The following LRTM2 variants were observed in gnomAD, a reference collection of about 807,000 sequenced individuals.
The protein encoded by LRTM2 is leucine-rich repeat and transmembrane domain-containing protein 2.
In LRTM2, 18 loss-of-function variants were observed where a neutral mutation model predicts 28.1. The observed-to-expected ratio is 0.64, with a 90% CI of 0.44 to 0.95. The LOEUF is 0.95. LRTM2 is among the 40% of genes least tolerant of loss of function. The pLI, the probability that LRTM2 is intolerant of heterozygous loss-of-function variation, is 0.00. For synonymous variants in LRTM2, 250 were observed against 218.7 expected (o/e 1.14, Z -1.26); for missense variants, 436 against 497.2 (o/e 0.88, Z 1.17).
rs376073275 is a variant in LRTM2, at chr12:1,826,051, GC to G, written c.-258-1356del. On this transcript the variant is annotated intron_variant, in intron 1 of 4. Transcript: ENST00000299194. ...GGGCAGAAATACATAGACTCCACAGGCCCGGGGTGCTCAGGAATGAGAAACA... is the reference window on the plus strand; with the variant it reads ...GGGCAGAAATACATAGACTCCACAGGCCGGGGTGCTCAGGAATGAGAAACA... Among the ~76,000 whole-genome samples the G allele has an allele frequency of 4.7e-4, 71 of 152,300 alleles. No individual in the cohort carries two copies. In the East Asian group the frequency reaches 9.5e-3, roughly 20 times the overall value.
Position 1,828,256 on chromosome 12 carries a change from TG to T in LRTM2, c.67+46del, listed in dbSNP as rs1864446390. On this transcript the variant is annotated intron_variant, in intron 3 of 4. Coordinates refer to ENST00000299194, the MANE Select transcript of LRTM2 (RefSeq NM_001039029.3). This position sits in a 1 kb window ranked among gnomAD's most constrained non-coding sequence, Gnocchi z 4.2. ...GCCTCGGAGGGGGGTGCGGGTTGGG[TG>T]GGGGTGCCGAGGTGACTGTAGGTAG... is the stretch of plus-strand genomic sequence containing the variant. The T allele has an allele frequency of 2.1e-6, 3 of 1,460,952 alleles. No homozygotes were observed. Among genetic ancestry groups the T allele is most frequent in the South Asian group, 1.3e-5 (1 of 78,514 alleles). The allele number at this position is 1,460,952 out of a possible 1,614,324, so 90.5% of individuals were successfully genotyped here.
chr12:1,823,223 G>A (rs993688434), intron 1 of LRTM2: 1 of 152,610 alleles, frequency 6.6e-6, no homozygotes, highest in Non-Finnish European at 1.5e-5. Context: ...GCTTGATGTG[G>A]AGGGATAGAC....
Position 1,829,557 on chromosome 12 carries a change from G to A in LRTM2, c.67+1342G>A, listed in dbSNP as rs1864523644. 2.0e-5 allele frequency among the ~76,000 whole-genome samples: 3 copies of A among 152,226 alleles called. No homozygotes were observed. Among genetic ancestry groups the A allele is most frequent in the Admixed American group, 2.0e-4 (3 of 15,294 alleles). On this transcript the variant is annotated intron_variant, in intron 3 of 4. Coordinates refer to ENST00000299194, the MANE Select transcript of LRTM2 (RefSeq NM_001039029.3). The surrounding 1 kb of genome is among the most constrained non-coding windows in gnomAD (Gnocchi z 4.2). ...AGATCTAGCCACGTGTCAGCTCTCA[G>A]CTGTCATCGATCCTCCAGGCAGGGA...
Position 1,834,187 on chromosome 12 carries a change from T to C in LRTM2, c.659-80T>C. On this transcript the variant is annotated intron_variant, in intron 4 of 4. Coordinates refer to ENST00000299194, the MANE Select transcript of LRTM2 (RefSeq NM_001039029.3). This position sits in a 1 kb window ranked among gnomAD's most constrained non-coding sequence, Gnocchi z 7.6. ...TAAAAACTACCTTCTGGGGCTTCCG[T>C]TTTGGGGAGCTGGGGATGGGGAGAG... 2.0e-6 allele frequency: 3 copies of C among 1,470,384 alleles called. No homozygotes were observed. In the South Asian group the frequency reaches 4.2e-5, roughly 20 times the overall value. 91.1% of individuals were successfully genotyped at this position (1,470,384 alleles called of 1,614,324 possible).
chr12:1,823,127 A>C (rs957520731), intron 1 of LRTM2: 3 of 152,368 alleles, frequency 2.0e-5, no homozygotes, highest in African/African-American at 7.2e-5. Context: ...GGGAGTGGGC[A>C]CACCCTAGGG....
In LRTM2 at chr12:1,834,322, C is replaced by A. The variant is rs1484331346; in HGVS notation, c.714C>A (p.Asp238Glu). 1.2e-6 allele frequency: 2 copies of A among 1,610,540 alleles called. No individual in the cohort carries two copies. The highest frequency in any genetic ancestry group is 8.5e-7 in the Non-Finnish European group (1 of 1,178,394). Residue 238 changes from aspartate (D) to glutamate (E), a missense_variant, in exon 5 of 5, where the codon GAC (aspartate) becomes GAA (glutamate). Coordinates refer to ENST00000299194, the MANE Select transcript of LRTM2 (RefSeq NM_001039029.3). The surrounding 1 kb of genome is among the most constrained non-coding windows in gnomAD (Gnocchi z 7.6). ...TGCCCAAGGAGCTGAGGGGGAAGGA[C>A]ATGCGGATGGTCCCCATGGAGATGT... is the stretch of plus-strand genomic sequence containing the variant. ...CTLPKELRGK[D>E]MRMVPMEMFN...
chr12:1,827,100 G>T (rs1489309039), intron 1 of LRTM2, among the ~76,000 whole-genome samples: 1 of 152,304 alleles, frequency 6.6e-6, no homozygotes, highest in African/African-American at 2.4e-5. Flanking sequence ...GAGGGCGAAG[G>T]AGAGGGGTGC....
chr12:1,835,124 GA>G lies in LRTM2; in HGVS notation c.*404del, dbSNP rs535247570. On this transcript the variant is annotated 3_prime_UTR_variant, in exon 5 of 5. Transcript: ENST00000299194. ...ACCTCACCTGCATTGAGGGGACGGG[GA>G]GGGAGGGATCTGAGGGATGAAGGTA... 1,021 of 184,928 alleles carry G rather than the reference GA, an allele frequency of 5.5e-3. 5 individuals are homozygous for G. The highest frequency in any genetic ancestry group is 7.0e-3 in the Non-Finnish European group (618 of 88,874). 11.5% of individuals were successfully genotyped at this position (184,928 alleles called of 1,614,324 possible).
chr12:1,828,126 C>T lies in LRTM2; in HGVS notation c.-23C>T, dbSNP rs578070850. On this transcript the variant is annotated 5_prime_UTR_variant, in exon 3 of 5. Transcript: ENST00000299194. This position sits in a 1 kb window ranked among gnomAD's most constrained non-coding sequence, Gnocchi z 4.2. ...CTCCTCTCTCCCCAGAGCGACAGGGCCCGGAGAGCCGTGGGCCTCACCATG... is the reference window on the plus strand; with the variant it reads ...CTCCTCTCTCCCCAGAGCGACAGGGTCCGGAGAGCCGTGGGCCTCACCATG... The T allele has an allele frequency of 1.8e-4, 271 of 1,520,880 alleles. 7 individuals are homozygous for T. The South Asian group carries it at 3.3e-3, about 18-fold the overall frequency. The allele number at this position is 1,520,880 out of a possible 1,614,324, so 94.2% of individuals were successfully genotyped here. A position where few individuals can be genotyped will look rare whatever the true frequency, so the allele number is the denominator to read the frequency against.
At chr12:1,821,836 C>T (rs140677643) in intron 1 of LRTM2, among the ~76,000 whole-genome samples, 4 of 152,152 alleles carry the variant, frequency 2.6e-5, no homozygotes, top group Non-Finnish European at 4.4e-5. Flanking sequence ...GTCTCTCCCC[C>T]ACCCCCAAGC....
chr12:1,834,763 C>A lies in LRTM2; in HGVS notation c.*42C>A. ...GGCCAGGTAGGAAGGGCGGGGAGAGCACACGGCATTGCTCAGCCACAGCTC... is the reference window on the plus strand; with the variant it reads ...GGCCAGGTAGGAAGGGCGGGGAGAGAACACGGCATTGCTCAGCCACAGCTC... On this transcript the variant is annotated 3_prime_UTR_variant, in exon 5 of 5. Transcript: ENST00000299194. The surrounding 1 kb of genome is among the most constrained non-coding windows in gnomAD (Gnocchi z 7.6). The A allele has an allele frequency of 6.5e-7, 1 of 1,540,598 alleles. No homozygotes were observed. Among genetic ancestry groups the A allele is most frequent in the Non-Finnish European group, 8.7e-7 (1 of 1,146,580 alleles).
intron 1 of LRTM2, among the ~76,000 whole-genome samples, chr12:1,822,648 G>A (rs1473366908): frequency 6.6e-6 from 1 of 152,238 alleles, no homozygotes; most frequent in Non-Finnish European, 1.5e-5. Flanking sequence ...TGGGGGTGAG[G>A]ATGGGGCATG....
intron 4 of LRTM2, among the ~76,000 whole-genome samples, chr12:1,832,075 GA>G (rs1163510629): frequency 6.6e-6 from 1 of 152,184 alleles, no homozygotes. Context: ...ACTTTAAGAA[GA>G]AGTCAAATGG....
chr12:1,831,287 G>C lies in LRTM2; in HGVS notation c.420G>C (p.Pro140=). 6.2e-7 allele frequency: 1 copy of C among 1,613,660 alleles called. No homozygotes were observed. Among genetic ancestry groups the C allele is most frequent in the Non-Finnish European group, 8.5e-7 (1 of 1,180,020 alleles). ...TLDRDLLRHS[P]LLRHLDLSIN... is the part of the protein sequence containing the mutation. ...ACAGGGACCTGCTGCGGCACTCGCCGCTGCTCCGCCACCTGGACCTGTCCA... is the reference window on the plus strand; with the variant it reads ...ACAGGGACCTGCTGCGGCACTCGCCCCTGCTCCGCCACCTGGACCTGTCCA... The change falls in exon 4 of 5, where the codon CCG becomes CCC. Residue 140 remains proline, a synonymous_variant. Coordinates refer to ENST00000299194, the MANE Select transcript of LRTM2 (RefSeq NM_001039029.3).
At position 1,829,527 on chromosome 12, in the gene LRTM2, G is replaced by A. The variant is rs949230247; in HGVS notation, c.67+1312G>A. Among the ~76,000 whole-genome samples the A allele has an allele frequency of 8.5e-5, 13 of 152,074 alleles. No homozygotes were observed. The highest frequency in any genetic ancestry group is 3.1e-4 in the African/African-American group (13 of 41,416). ...TTGCTGTTAGGCTGCAGGGAGGCCTGGGCCAGATCTAGCCACGTGTCAGCT... is the reference window on the plus strand; with the variant it reads ...TTGCTGTTAGGCTGCAGGGAGGCCTAGGCCAGATCTAGCCACGTGTCAGCT... On this transcript the variant is annotated intron_variant, in intron 3 of 4. Transcript: ENST00000299194. The surrounding 1 kb of genome is among the most constrained non-coding windows in gnomAD (Gnocchi z 4.2).
chr12:1,828,503 T>C lies in LRTM2; in HGVS notation c.67+288T>C, dbSNP rs559349626. 6.6e-6 allele frequency among the ~76,000 whole-genome samples: 1 copy of C among 152,206 alleles called. No individual in the cohort carries two copies. Among genetic ancestry groups the C allele is most frequent in the Admixed American group, 6.5e-5 (1 of 15,300 alleles). ...GTAAGTCTCTGTGAGCTTGCTGGGG[T>C]CCCCAACAGGAGAAGAGCTCTGCTG... On this transcript the variant is annotated intron_variant, in intron 3 of 4. Transcript: ENST00000299194. The surrounding 1 kb of genome is among the most constrained non-coding windows in gnomAD (Gnocchi z 4.2).
rs567127134 is a variant in LRTM2, at chr12:1,828,039, C to G, written c.-73-37C>G. 1.9e-6 allele frequency: 2 copies of G among 1,056,294 alleles called. No homozygotes were observed. Among genetic ancestry groups the G allele is most frequent in the Non-Finnish European group, 2.6e-6 (2 of 774,526 alleles). 65.4% of individuals were successfully genotyped at this position (1,056,294 alleles called of 1,614,324 possible). A position where few individuals can be genotyped will look rare whatever the true frequency, so the allele number is the denominator to read the frequency against. ...AACCCCTGGGCTGGAACGGGGCTCC[C>G]GCGCCTGCCTGTGCTCAGTGCTCCT... On this transcript the variant is annotated intron_variant, in intron 2 of 4. Transcript: ENST00000299194. The surrounding 1 kb of genome is among the most constrained non-coding windows in gnomAD (Gnocchi z 4.2).
rs112647051 is a variant in LRTM2 at position 1,828,744 on chromosome 12, C to T, written c.67+529C>T. Among the ~76,000 whole-genome samples the T allele has an allele frequency of 2.6e-5, 4 of 152,172 alleles. No homozygotes were observed. The highest frequency in any genetic ancestry group is 4.8e-5 in the African/African-American group (2 of 41,444). On this transcript the variant is annotated intron_variant, in intron 3 of 4. Transcript: ENST00000299194. The surrounding 1 kb of genome is among the most constrained non-coding windows in gnomAD (Gnocchi z 4.2). ...GACCTAGTGGGCTCGTGGGATGCGG[C>T]GCTGGAAGAGACTTTGGGGAGTGGG...
intron 4 of LRTM2, 70 bp downstream of exon 4, chr12:1,831,595 TG>T: frequency 1.5e-6 from 2 of 1,334,776 alleles, no homozygotes; most frequent in Non-Finnish European, 2.1e-6. Context: ...ACTTTCCTCC[TG>T]GTGGCTGGGT....
Sources: allele counts gnomAD v4.1 joint callset (sites outside exome capture counted in the v4.1 genomes callset), GRCh38; gene constraint gnomAD v4.1.1; non-coding constraint Gnocchi (gnomAD v3.1); transcripts MANE v1.5; gene names NCBI Gene and HGNC (gene_info 2026-07-23, HGNC 2026-07-21).